The following FBXO4 variants were observed in gnomAD, a reference collection of about 807,000 sequenced individuals.
The protein encoded by FBXO4 is F-box only protein 4.
In FBXO4, 36 loss-of-function variants were observed where a neutral mutation model predicts 43.7. That is an observed-to-expected ratio of 0.82 (90% CI 0.63 to 1.09). FBXO4 has a LOEUF of 1.09. Ranked by LOEUF, FBXO4 falls within the 50% of genes least tolerant of loss-of-function variation. The probability of loss-of-function intolerance (pLI) is 0.00; values close to 1 mark genes in which losing one functional copy is unlikely to be tolerated. For synonymous variants in FBXO4, 180 were observed against 165.6 expected (o/e 1.09, Z -0.67); for missense variants, 435 against 474.1 (o/e 0.92, Z 0.77).
chr5:41,943,361 A>G (rs1329326089), downstream of FBXO4, among the ~76,000 whole-genome samples: 4 of 152,038 alleles, frequency 2.6e-5, no homozygotes, highest in Non-Finnish European at 5.9e-5. Context: ...CCAAATTTCC[A>G]CTCTGCCAAT....
At chr5:42,036,375 T>C in the FBXO4 span, among the ~76,000 whole-genome samples, 1 of 152,130 alleles carries the variant, frequency 6.6e-6, no homozygotes, top group Non-Finnish European at 1.5e-5. Flanking sequence ...AGCAAACTAG[T>C]ACCCTCCTGC....
downstream of FBXO4, among the ~76,000 whole-genome samples, chr5:41,943,501 A>G (rs952739135): frequency 1.1e-4 from 17 of 152,282 alleles, no homozygotes; most frequent in Admixed American, 3.3e-4. Flanking sequence ...AAGCATCTGC[A>G]TAAGTACTTC....
At chr5:41,953,564 A>T in the FBXO4 span, among the ~76,000 whole-genome samples, 1 of 150,874 alleles carries the variant, frequency 6.6e-6, no homozygotes, top group Non-Finnish European at 1.5e-5. Flanking sequence ...TCCCTGAGGA[A>T]TCGCCACACT....
the FBXO4 span, among the ~76,000 whole-genome samples, chr5:41,959,436 G>A: frequency 6.6e-6 from 1 of 151,782 alleles, no homozygotes; most frequent in Non-Finnish European, 1.5e-5. Flanking sequence ...GTGCTTTAGG[G>A]CCGTATTTTA....
downstream of FBXO4, among the ~76,000 whole-genome samples, chr5:41,943,169 C>T (rs561747873): frequency 3.9e-5 from 6 of 152,016 alleles, no homozygotes; most frequent in African/African-American, 7.2e-5. Context: ...ACTTGGAGTC[C>T]GAAAATCCTC....
At chr5:41,927,313 C>A in intron 2 of FBXO4, 65 bp downstream of exon 2, 2 of 1,169,162 alleles carry the variant, frequency 1.7e-6, no homozygotes, top group South Asian at 3.0e-5. Context: ...TAGTCAATAT[C>A]CAAGTTAATC....
At chr5:42,002,638 G>T in the FBXO4 span, among the ~76,000 whole-genome samples, 2 of 152,140 alleles carry the variant, frequency 1.3e-5, no homozygotes, top group East Asian at 3.9e-4. Flanking sequence ...GTTAAATAAC[G>T]TTTTTTCCTT....
chr5:41,971,900 C>G, the FBXO4 span, among the ~76,000 whole-genome samples: 1 of 152,002 alleles, frequency 6.6e-6, no homozygotes, highest in African/African-American at 2.4e-5. Flanking sequence ...TTTCTACTCT[C>G]TTTTCAAAGC....
the FBXO4 span, among the ~76,000 whole-genome samples, chr5:42,006,767 T>G: frequency 6.6e-6 from 1 of 151,306 alleles, no homozygotes; most frequent in East Asian, 1.9e-4. Flanking sequence ...TTAATTGTGA[T>G]TCTCCTTCAC....
At chr5:41,966,277 C>T in the FBXO4 span, among the ~76,000 whole-genome samples, 3 of 151,736 alleles carry the variant, frequency 2.0e-5, no homozygotes, top group African/African-American at 4.8e-5. Context: ...GCACACGTAC[C>T]CTAAAACTTA....
At chr5:41,979,124 C>G in the FBXO4 span, among the ~76,000 whole-genome samples, 1 of 152,162 alleles carries the variant, frequency 6.6e-6, no homozygotes, top group Admixed American at 6.5e-5. Context: ...GATTTTGCCT[C>G]TATGTCTTAG....
At chr5:41,987,682 A>G in the FBXO4 span, among the ~76,000 whole-genome samples, 5 of 152,228 alleles carry the variant, frequency 3.3e-5, no homozygotes, top group Non-Finnish European at 7.3e-5. Context: ...CTAATGAAAC[A>G]TTTGCTTGTG....
intron 2 of FBXO4, 68 bp downstream of exon 2, chr5:41,927,316 A>G: frequency 3.4e-6 from 4 of 1,171,926 alleles, no homozygotes; most frequent in Non-Finnish European, 4.9e-6. Context: ...TCAATATCCA[A>G]GTTAATCCTG....
At chr5:41,972,182 C>G in the FBXO4 span, among the ~76,000 whole-genome samples, 1 of 151,942 alleles carries the variant, frequency 6.6e-6, no homozygotes, top group African/African-American at 2.4e-5. Context: ...AATTCTATAC[C>G]TAAAAAACCC....
the FBXO4 span, among the ~76,000 whole-genome samples, chr5:41,989,031 T>C: frequency 6.6e-6 from 1 of 152,152 alleles, no homozygotes; most frequent in African/African-American, 2.4e-5. Flanking sequence ...CGAACAAATT[T>C]TAAATAATTG....
chr5:41,948,404 G>T, the FBXO4 span, among the ~76,000 whole-genome samples: 2 of 152,048 alleles, frequency 1.3e-5, no homozygotes, highest in African/African-American at 4.8e-5. Context: ...CAAAGTACTG[G>T]GATTACAGGT....
chr5:42,021,018 G>T, the FBXO4 span, among the ~76,000 whole-genome samples: 90 of 152,112 alleles, frequency 5.9e-4, 1 homozygote, highest in Non-Finnish European at 1.8e-4. Flanking sequence ...ATGAAGTGAG[G>T]TAAGAGAGGA....
chr5:42,023,943 C>A, the FBXO4 span, among the ~76,000 whole-genome samples: 1 of 151,978 alleles, frequency 6.6e-6, no homozygotes, highest in Non-Finnish European at 1.5e-5. Context: ...AAAACCTTCC[C>A]CTCTGATCAG....
rs1751937796 is a variant in FBXO4, at chr5:41,939,424, T to C, written c.899-17T>C. 1.3e-6 allele frequency: 2 copies of C among 1,577,406 alleles called. No individual in the cohort carries two copies. The highest frequency in any genetic ancestry group is 1.4e-5 in the African/African-American group (1 of 73,500). On this transcript the variant is annotated splice_polypyrimidine_tract_variant and intron_variant, in intron 5 of 6. Coordinates refer to ENST00000281623, the MANE Select transcript of FBXO4 (RefSeq NM_012176.3). ...TAAAAGTAATGCAAATTAAGGGTTT[T>C]GACTTACATTCCTTAGGACATGAAT...
Sources: allele counts gnomAD v4.1 joint callset (sites outside exome capture counted in the v4.1 genomes callset), GRCh38; gene constraint gnomAD v4.1.1; transcripts MANE v1.5; gene names NCBI Gene and HGNC (gene_info 2026-07-23, HGNC 2026-07-21).